SH2D4B: variants seen among roughly 807,000 people sequenced by gnomAD.
SH2D4B encodes the protein SH2 domain containing 4B, also known as SH2 domain-containing protein 4B.
In SH2D4B, 45 loss-of-function variants were observed where a neutral mutation model predicts 61.5. The ratio of observed to expected loss-of-function variants is 0.73; its 90% CI spans 0.58 to 0.94. SH2D4B has a LOEUF of 0.94. SH2D4B is among the 40% of genes least tolerant of loss of function. SH2D4B has a pLI of 0.00. For missense variants in SH2D4B, 572 were observed against 574.2 expected, an observed-to-expected ratio of 1.00 and a Z score of 0.04; for synonymous variants, 224 against 220.4, an observed-to-expected ratio of 1.02 and a Z score of -0.14.
At chr10:80,541,567 A>G (rs1265330126) in intron 1 of SH2D4B, among the ~76,000 whole-genome samples, 3 of 152,130 alleles carry the variant, frequency 2.0e-5, no homozygotes, top group African/African-American at 7.2e-5. Context: ...CATCGTCCCC[A>G]GTGCTCTAAA....
chr10:80,570,071 G>A, intron 1 of SH2D4B, 83 bp from the exon 2 acceptor site: 2 of 1,508,136 alleles, frequency 1.3e-6, no homozygotes, highest in South Asian at 2.4e-5. Context: ...GTGATGTGAT[G>A]GTTGTTTACC....
At chr10:80,606,173 A>C (rs1467664660) in intron 5 of SH2D4B, among the ~76,000 whole-genome samples, 2 of 152,024 alleles carry the variant, frequency 1.3e-5, no homozygotes, top group Non-Finnish European at 1.5e-5. Context: ...TGCTAAGAGC[A>C]GATGCATGCC....
chr10:80,570,099 A>T (rs1481525912), intron 1 of SH2D4B, 55 bp from the exon 2 acceptor site: 5 of 1,607,336 alleles, frequency 3.1e-6, no homozygotes, highest in Non-Finnish European at 4.3e-6. Flanking sequence ...AGCTTAGGTC[A>T]TTCCTTACTG....
At chr10:80,628,243 G>A (rs1477164327) in intron 6 of SH2D4B, among the ~76,000 whole-genome samples, 1 of 152,040 alleles carries the variant, frequency 6.6e-6, no homozygotes, top group Non-Finnish European at 1.5e-5. Context: ...ATTCCCACGT[G>A]TTCGGGAGGG....
At position 80,570,271 on chromosome 10, in the gene SH2D4B, C is replaced by T; in HGVS notation, c.302C>T (p.Ala101Val). 3 of 1,613,838 alleles carry T rather than the reference C, an allele frequency of 1.9e-6. No individual in the cohort carries two copies. Among genetic ancestry groups the T allele is most frequent in the Non-Finnish European group, 1.7e-6 (2 of 1,179,984 alleles). ...PYEEISEELI[A>V]ERARLQAQRE... ...GAAGAGATCTCTGAGGAGCTGATTG[C>T]AGAGAGGGCGCGGCTGCAGGCACAG... The change falls in exon 2 of 8, where the codon GCA becomes GTA. Residue 101 changes from alanine to valine, a missense_variant. By Grantham distance (64) the Ala-to-Val change is moderately conservative. Coordinates refer to ENST00000646907, the MANE Select transcript of SH2D4B (RefSeq NM_001388272.1).
intron 4 of SH2D4B, among the ~76,000 whole-genome samples, chr10:80,603,158 G>A (rs1029542463): frequency 1.3e-5 from 2 of 152,140 alleles, no homozygotes; most frequent in Non-Finnish European, 2.9e-5. Context: ...CCACCTTGAC[G>A]GGTGAGCTGA....
intron 1 of SH2D4B, among the ~76,000 whole-genome samples, chr10:80,568,936 T>C (rs372525266): frequency 1.3e-5 from 2 of 152,246 alleles, no homozygotes; most frequent in African/African-American, 2.4e-5. Context: ...TCTAGCTTTT[T>C]AACTGAATGT....
chr10:80,604,420 C>G (rs1842491955), intron 5 of SH2D4B, among the ~76,000 whole-genome samples: 1 of 152,174 alleles, frequency 6.6e-6, no homozygotes, highest in Non-Finnish European at 1.5e-5. Context: ...TTAGGCCACC[C>G]CAAGGTTTGG....
chr10:80,555,390 G>C (rs1268766105), intron 1 of SH2D4B, among the ~76,000 whole-genome samples: 1 of 152,292 alleles, frequency 6.6e-6, no homozygotes, highest in East Asian at 1.9e-4. Context: ...ATTTCTCTCT[G>C]TGCACTTGCT....
intron 7 of SH2D4B, among the ~76,000 whole-genome samples, chr10:80,639,414 G>T (rs1252085813): frequency 1.3e-5 from 2 of 152,164 alleles, no homozygotes; most frequent in Non-Finnish European, 2.9e-5. Flanking sequence ...TATTGTGTGG[G>T]AGTCTAAGTC....
chr10:80,572,199 A>G (rs973223364), intron 3 of SH2D4B, among the ~76,000 whole-genome samples: 1 of 152,170 alleles, frequency 6.6e-6, no homozygotes, highest in Non-Finnish European at 1.5e-5. Flanking sequence ...TTGCATCCCA[A>G]ACCACCAGTC....
chr10:80,591,360 A>G (rs1178507084), intron 4 of SH2D4B, among the ~76,000 whole-genome samples: 1 of 151,898 alleles, frequency 6.6e-6, no homozygotes. Context: ...AAATAAATCT[A>G]TTTCTTATAG....
intron 1 of SH2D4B, among the ~76,000 whole-genome samples, chr10:80,564,523 C>T (rs557660025): frequency 6.6e-6 from 1 of 152,322 alleles, no homozygotes; most frequent in South Asian, 2.1e-4. Flanking sequence ...TCCTCCTCCT[C>T]TTGAAGTATT....
chr10:80,634,860 C>T (rs147820959), intron 7 of SH2D4B, among the ~76,000 whole-genome samples: 1 of 152,200 alleles, frequency 6.6e-6, no homozygotes. Flanking sequence ...AAGAACGTCT[C>T]TCATGAGGAC....
intron 1 of SH2D4B, among the ~76,000 whole-genome samples, chr10:80,549,798 A>C (rs555559852): frequency 2.0e-5 from 3 of 152,276 alleles, no homozygotes; most frequent in African/African-American, 7.2e-5. Context: ...GAAGCTGCAC[A>C]ACCTCGACTT....
In SH2D4B at chr10:80,634,376, C is replaced by A. The variant is rs1447339820; in HGVS notation, c.1080C>A (p.Tyr360Ter). The change falls in exon 7 of 8, where the codon TAC (tyrosine) becomes TAA (stop). Residue 360 changes from tyrosine (Y) to a stop codon, truncating the protein, a stop_gained. Transcript: ENST00000646907. LOFTEE classifies it high-confidence loss of function. ...LVRVSEKIWGYTLSYRLQKGF... is the reference protein window; with the variant it reads ...LVRVSEKIWG ...GGGTCAGTGAGAAAATCTGGGGTTA[C>A]ACCCTCTCCTACCGCCTGCAGAAAG... 6.4e-7 allele frequency: 1 copy of A among 1,550,600 alleles called. No individual in the cohort carries two copies. The highest frequency in any genetic ancestry group is 8.7e-7 in the Non-Finnish European group (1 of 1,146,980).
At chr10:80,622,347 A>G (rs1842724723) in intron 6 of SH2D4B, among the ~76,000 whole-genome samples, 1 of 152,198 alleles carries the variant, frequency 6.6e-6, no homozygotes, top group South Asian at 2.1e-4. Flanking sequence ...TGATGATGTT[A>G]TATGTGATTT....
At chr10:80,628,246 C>T (rs759614262) in intron 6 of SH2D4B, among the ~76,000 whole-genome samples, 6 of 151,862 alleles carry the variant, frequency 4.0e-5, no homozygotes, top group African/African-American at 4.9e-5. Flanking sequence ...CCCACGTGTT[C>T]GGGAGGGACC....
intron 3 of SH2D4B, among the ~76,000 whole-genome samples, chr10:80,577,670 C>T (rs1313239248): frequency 3.9e-5 from 6 of 152,144 alleles, no homozygotes; most frequent in Non-Finnish European, 8.8e-5. Flanking sequence ...TTGCGATCCA[C>T]CCGCCTCAGC....
Sources: gnomAD v4.1 joint callset for allele counts (sites outside exome capture counted in the v4.1 genomes callset) on GRCh38, gnomAD v4.1.1 for gene constraint, MANE v1.5 for transcripts, NCBI Gene and HGNC (gene_info 2026-07-23, HGNC 2026-07-21) for gene names.